Variants in ATP7B observed in about 807,000 individuals in gnomAD.
ATP7B encodes the protein copper-transporting ATPase 2.
A neutral mutation model predicts 118.9 loss-of-function variants in ATP7B; 113 were observed. The observed-to-expected ratio is 0.95, with a 90% CI of 0.82 to 1.11. The LOEUF (loss-of-function observed/expected upper bound fraction) is 1.11. ATP7B is among the 50% of genes most tolerant of loss of function. The pLI is 0.00. For missense variants in ATP7B, 1,867 were observed against 1,871.4 expected (o/e 1.00, Z 0.04); for synonymous variants, 777 against 727.4 (o/e 1.07, Z -1.10).
At chr13:51,959,269 C>G (rs777813812) in intron 7 of ATP7B, 5 of 152,908 alleles carry the variant, frequency 3.3e-5, no homozygotes, top group Admixed American at 2.6e-4. Context: ...GTGGCTCACA[C>G]CTGTCATCTC....
chr13:51,990,249 A>G (rs9535823), intron 1 of ATP7B, among the ~76,000 whole-genome samples: 63,011 of 151,962 alleles, frequency 0.41, 14,781 homozygotes, highest in East Asian at 0.53. Context: ...AAAAAGTATT[A>G]CTGCTTTTGT....
intron 8 of ATP7B, 78 bp from the exon 9 acceptor site, chr13:51,957,685 G>C (rs1344745676): frequency 7.1e-7 from 1 of 1,405,864 alleles, no homozygotes; most frequent in Non-Finnish European, 1.0e-6. Flanking sequence ...TCACAAGCGT[G>C]GTGTTAGAGA....
chr13:51,969,175 G>A (rs1251399207), intron 3 of ATP7B, among the ~76,000 whole-genome samples: 1 of 151,562 alleles, frequency 6.6e-6, no homozygotes, highest in Non-Finnish European at 1.5e-5. Context: ...AATGTACAGG[G>A]AAGTCTGACA....
In ATP7B at chr13:51,974,690, G is replaced by A. The variant is rs903179332; in HGVS notation, c.530C>T (p.Ser177Leu). ...GATGACGGCCTCTTGGTTGCTGAGT[G>A]AGACTTTGACTCTCACTACTCCTTG... ...KLQGVVRVKVSLSNQEAVITY... is the reference protein window; with the variant it reads ...KLQGVVRVKVLLSNQEAVITY... The change falls in exon 2 of 21, where the codon TCA becomes TTA. Residue 177 changes from serine (S) to leucine (L), a missense_variant. Transcript: ENST00000242839. The A allele has an allele frequency of 7.4e-6, 12 of 1,611,624 alleles. No individual in the cohort carries two copies. The highest frequency in any genetic ancestry group is 1.0e-5 in the Non-Finnish European group (12 of 1,177,898).
chr13:51,945,207 T>A (rs970666621), intron 13 of ATP7B, among the ~76,000 whole-genome samples: 3 of 152,162 alleles, frequency 2.0e-5, no homozygotes, highest in Non-Finnish European at 4.4e-5. Context: ...GGGTATGCCA[T>A]CCCCTACGTG....
chr13:52,010,265 G>T (rs1302715149), intron 1 of ATP7B, among the ~76,000 whole-genome samples: 1 of 152,040 alleles, frequency 6.6e-6, no homozygotes, highest in Non-Finnish European at 1.5e-5. Flanking sequence ...CTGTATCACC[G>T]GAGCCTAGAT....
chr13:52,010,900 T>C (rs1953994807), intron 1 of ATP7B, among the ~76,000 whole-genome samples: 1 of 152,218 alleles, frequency 6.6e-6, no homozygotes, highest in African/African-American at 2.4e-5. Context: ...TTTAAAACAG[T>C]TATAAAAGTT....
intron 1 of ATP7B, among the ~76,000 whole-genome samples, chr13:52,003,470 G>C (rs1255838440): frequency 2.6e-5 from 4 of 152,118 alleles, no homozygotes; most frequent in Non-Finnish European, 4.4e-5. Context: ...GCATCAAAGA[G>C]CACTGATCAC....
At chr13:51,998,808 G>A (rs555498548) in intron 1 of ATP7B, among the ~76,000 whole-genome samples, 6 of 152,318 alleles carry the variant, frequency 3.9e-5, no homozygotes, top group African/African-American at 1.4e-4. Flanking sequence ...GAACCTCCAG[G>A]ACAAAGGGCT....
chr13:51,964,901 C>T lies in ATP7B; in HGVS notation c.1840G>A (p.Gly614Ser), dbSNP rs376565432. The stretch of plus-strand genomic sequence containing the variant: ...ATAATTTTGATAATATCCCGTGGAC[C>T]GATAATTTCCGGGTCAAACTTAACA... ...ALVKFDPEII[G>S]PRDIIKIIEE... is the part of the protein sequence containing the mutation. The change falls in exon 5 of 21, where the codon GGT becomes AGT. Residue 614 changes from glycine (G) to serine (S), a missense_variant. Physicochemically the swap from Gly to Ser is moderately conservative, Grantham distance 56. Coordinates refer to ENST00000242839, the MANE Select transcript of ATP7B (RefSeq NM_000053.4). 1.2e-5 allele frequency: 19 copies of T among 1,613,978 alleles called. No homozygotes were observed. In the South Asian group the frequency reaches 1.6e-4, roughly 14 times the overall value.
Position 51,935,084 on chromosome 13 carries a change from T to G in ATP7B, c.4125-55A>C, listed in dbSNP as rs932291539. On this transcript the variant is annotated intron_variant, in intron 20 of 20. Transcript: ENST00000242839. ...GCCATTCTAGAAACAAGGCTTTTTT[T>G]TTTTCTAAGCCTGGTGAAGGCCTCT... 3 of 1,604,730 alleles carry G rather than the reference T, an allele frequency of 1.9e-6. No homozygotes were observed. The African/African-American group carries it at 4.0e-5, about 21-fold the overall frequency.
rs188466187 is a variant in ATP7B, at chr13:51,947,541, G to A, written c.2866-1063C>T. On this transcript the variant is annotated intron_variant, in intron 12 of 20. Transcript: ENST00000242839. ...GCACAGTTGTCTAAGGTAAGGCTAT[G>A]GACCACAGCCTCTTTAGCTTCCATC... Among the ~76,000 whole-genome samples the A allele has an allele frequency of 2.6e-5, 4 of 152,232 alleles. No individual in the cohort carries two copies. In the East Asian group the frequency reaches 7.7e-4, roughly 29 times the overall value.
At chr13:51,956,316 G>A (rs1423122159) in intron 9 of ATP7B, among the ~76,000 whole-genome samples, 1 of 152,216 alleles carries the variant, frequency 6.6e-6, no homozygotes. Flanking sequence ...CAAGGGGTCT[G>A]TCTCAGCCTT....
At chr13:51,962,490 G>A (rs1958815715) in intron 5 of ATP7B, among the ~76,000 whole-genome samples, 3 of 152,186 alleles carry the variant, frequency 2.0e-5, no homozygotes, top group Admixed American at 1.3e-4. Flanking sequence ...TACTCTTTAT[G>A]AATACACACA....
chr13:51,982,257 T>C (rs965871554), intron 1 of ATP7B, among the ~76,000 whole-genome samples: 1 of 152,214 alleles, frequency 6.6e-6, no homozygotes, highest in South Asian at 2.1e-4. Flanking sequence ...CAAAGAGCAT[T>C]TTCACATATA....
At chr13:51,939,317 C>T (rs764763664) in intron 16 of ATP7B, 124 bp from the exon 17 acceptor site, 1 of 1,446,376 alleles carries the variant, frequency 6.9e-7, no homozygotes. Flanking sequence ...AATTATATAA[C>T]ACAATGTGGT....
At position 51,934,732 on chromosome 13, in the gene ATP7B, C is replaced by T. The variant is rs535358383; in HGVS notation, c.*24G>A. On this transcript the variant is annotated 3_prime_UTR_variant, in exon 21 of 21. Transcript: ENST00000242839. ...TGTGGTGAGTGGAGGCAAGTCCCTGCCCCGGCCCGCCTGCCTGAAGTCATC... is the reference window on the plus strand; with the variant it reads ...TGTGGTGAGTGGAGGCAAGTCCCTGTCCCGGCCCGCCTGCCTGAAGTCATC... 42 of 1,611,504 alleles carry T rather than the reference C, an allele frequency of 2.6e-5. No homozygotes were observed. The East Asian group carries it at 8.7e-4, about 33-fold the overall frequency.
At chr13:51,992,979 C>CCAAAA (rs1952992403) in intron 1 of ATP7B, among the ~76,000 whole-genome samples, 1 of 62,932 alleles carries the variant, frequency 1.6e-5, no homozygotes, top group Non-Finnish European at 2.6e-5. Context: ...GACTCTGTCT[C>CCAAAA]AAAAAAAAAA....
At chr13:51,946,550 G>A in intron 12 of ATP7B, 72 bp from the exon 13 acceptor site, 1 of 1,548,808 alleles carries the variant, frequency 6.5e-7, no homozygotes, top group Non-Finnish European at 8.9e-7. Flanking sequence ...AATCACATAA[G>A]GACATTTCAG....
Sources: gnomAD v4.1 joint callset for allele counts (sites outside exome capture counted in the v4.1 genomes callset) on GRCh38, gnomAD v4.1.1 for gene constraint, MANE v1.5 for transcripts, NCBI Gene and HGNC (gene_info 2026-07-23, HGNC 2026-07-21) for gene names.